The following SH3TC2 variants were observed in gnomAD, a reference collection of about 807,000 sequenced individuals.
The protein encoded by SH3TC2 is SH3 domain and tetratricopeptide repeat-containing protein 2.
SH3TC2 carries 87 observed loss-of-function variants against 124.5 expected under a neutral mutation model. The ratio of observed to expected loss-of-function variants is 0.70; its 90% CI spans 0.59 to 0.84. The LOEUF is 0.84. Ranked by LOEUF, SH3TC2 falls within the 40% of genes least tolerant of loss-of-function variation. The pLI is 0.00. For missense variants in SH3TC2, 1,536 were observed against 1,566.4 expected (o/e 0.98, Z 0.33); for synonymous variants, 634 against 628.5 (o/e 1.01, Z -0.13).
In SH3TC2 at chr5:148,998,970, C is replaced by T. The variant is rs538159827; in HGVS notation, c.*5741G>A. The stretch of plus-strand genomic sequence containing the variant: ...CTAACATACACACCCTCCCGCTTAA[C>T]GGTGTGGGACCCAGGAATAGATGTG... On this transcript the variant is annotated 3_prime_UTR_variant, in exon 17 of 17. Coordinates refer to ENST00000515425, the MANE Select transcript of SH3TC2 (RefSeq NM_024577.4). Among the ~76,000 whole-genome samples the T allele has an allele frequency of 2.7e-4, 41 of 152,274 alleles. No individual in the cohort carries two copies. The highest frequency in any genetic ancestry group is 1.2e-3 in the South Asian group (6 of 4,808).
chr5:149,052,812 G>A (rs748784099), intron 1 of SH3TC2, among the ~76,000 whole-genome samples: 4 of 152,198 alleles, frequency 2.6e-5, no homozygotes, highest in Non-Finnish European at 2.9e-5. Context: ...AGAAGATCAA[G>A]ACACAGGCTA....
intron 12 of SH3TC2, among the ~76,000 whole-genome samples, chr5:149,021,430 T>C (rs1193444880): frequency 6.7e-6 from 1 of 149,866 alleles, no homozygotes; most frequent in Non-Finnish European, 1.5e-5. Context: ...TTAATAAAGA[T>C]GAGAGCAAAA....
At chr5:149,040,720 A>C in intron 6 of SH3TC2, 43 bp from the exon 7 acceptor site, 2 of 1,504,700 alleles carry the variant, frequency 1.3e-6, no homozygotes, top group Non-Finnish European at 1.9e-6. Flanking sequence ...GATTTCAAAA[A>C]ATTGCAACAA....
rs370090569 is a variant in SH3TC2 at position 149,004,771 on chromosome 5, C to A, written c.3807G>T (p.Arg1269Ser). 5 of 1,614,074 alleles carry A rather than the reference C, an allele frequency of 3.1e-6. No homozygotes were observed. Among genetic ancestry groups the A allele is most frequent in the Non-Finnish European group, 4.2e-6 (5 of 1,180,024 alleles). Residue 1269 changes from arginine to serine, a missense_variant, in exon 17 of 17, where the codon AGG becomes AGT. This residue lies in a region of SH3TC2 where 426 missense variants were observed against 443.5 expected (regional missense o/e 0.96). Transcript: ENST00000515425. The part of the protein sequence containing the change: ...NICQSPLWHS[R>S]PSGCSSERAR... ...CCCTCTCTGAGGAGCACCCGGAGGG[C>A]CTGCTGTGCCACAGGGGGCTCTGGC... is the stretch of plus-strand genomic sequence containing the variant.
intron 13 of SH3TC2, among the ~76,000 whole-genome samples, chr5:149,011,658 TCTC>T (rs1753784932): frequency 6.6e-6 from 1 of 152,156 alleles, no homozygotes. Context: ...TTTGGCAAAG[TCTC>T]CTGTACATAG....
intron 9 of SH3TC2, among the ~76,000 whole-genome samples, chr5:149,031,278 G>T (rs1468644198): frequency 6.6e-6 from 1 of 152,182 alleles, no homozygotes; most frequent in Non-Finnish European, 1.5e-5. Context: ...CCTCCCCCAA[G>T]ATTAGGAGGG....
chr5:149,037,165 T>C (rs572569016), intron 8 of SH3TC2, among the ~76,000 whole-genome samples: 1 of 152,314 alleles, frequency 6.6e-6, no homozygotes, highest in African/African-American at 2.4e-5. Context: ...CCAAACTACA[T>C]GAGTCGTTCT....
intron 12 of SH3TC2, among the ~76,000 whole-genome samples, chr5:149,024,206 G>C (rs1031572618): frequency 7.2e-5 from 11 of 152,132 alleles, no homozygotes; most frequent in African/African-American, 2.7e-4. Context: ...ACCATTCTCT[G>C]TCATAATCAT....
In SH3TC2 at chr5:149,047,774, G is replaced by A. The variant is rs1754489149; in HGVS notation, c.279+88C>T. The stretch of plus-strand genomic sequence containing the variant: ...GATGTTTTTTCCGAGGACCTACTTT[G>A]TTCCAGATGCTGTCTTAGATGCTAG... On this transcript the variant is annotated intron_variant, in intron 3 of 16. Transcript: ENST00000515425. 3.2e-6 allele frequency: 5 copies of A among 1,561,336 alleles called. No homozygotes were observed. The South Asian group carries it at 5.6e-5, about 17-fold the overall frequency.
Position 149,044,246 on chromosome 5 carries a change from C to T in SH3TC2, c.385+287G>A, listed in dbSNP as rs1754419636. ...TTCACATCTATTTCAGTACTTTGAA[C>T]TTAGTAGATGACCAATAACTGTTTT... On this transcript the variant is annotated intron_variant, in intron 4 of 16. Transcript: ENST00000515425. The T allele has an allele frequency of 1.0e-5, 4 of 387,148 alleles. No homozygotes were observed. In the Admixed American group the frequency reaches 1.5e-4, roughly 14 times the overall value. The allele number at this position is 387,148 out of a possible 1,614,324, so 24.0% of individuals were successfully genotyped here.
rs1178970604 is a variant in SH3TC2, at chr5:149,026,925, A to C, written c.2807T>G (p.Leu936Arg). 6.2e-7 allele frequency: 1 copy of C among 1,614,234 alleles called. No individual in the cohort carries two copies. The highest frequency in any genetic ancestry group is 1.6e-4 in the Middle Eastern group (1 of 6,062). Reference protein sequence around the residue: ...LAQVLVSGHQLTHGLLCYEMA... With the variant: ...LAQVLVSGHQRTHGLLCYEMA... Reference sequence around the variant, plus strand: ...TTCATAACAAAGAAGGCCATGGGTCAGCTGGTGTCCAGACACCAGAACTTG... The same window carrying C: ...TTCATAACAAAGAAGGCCATGGGTCCGCTGGTGTCCAGACACCAGAACTTG... Residue 936 changes from leucine (L) to arginine (R), a missense_variant, in exon 11 of 17, where the codon CTG (leucine) becomes CGG (arginine). By Grantham distance (102) the Leu-to-Arg change is moderately radical. Around this residue, in one of 3 missense-constraint regions of SH3TC2, gnomAD observed 426 missense variants for 443.5 expected, o/e 0.96. Coordinates refer to ENST00000515425, the MANE Select transcript of SH3TC2 (RefSeq NM_024577.4).
In SH3TC2 at chr5:149,028,166, GTGGCTCTTCT is replaced by G; in HGVS notation, c.1556_1565del (p.Lys519ThrfsTer2). The G allele has an allele frequency of 6.2e-7, 1 of 1,614,128 alleles. No homozygotes were observed. Among genetic ancestry groups the G allele is most frequent in the Non-Finnish European group, 8.5e-7 (1 of 1,180,026 alleles). ...AGAGACGGGCATGGGCCCAGGTCAT[GTGGCTCTTCT>G]TGGCCCACTTTCTTGATGCCTCCAG... On this transcript the variant is annotated frameshift_variant, in exon 11 of 17. Coordinates refer to ENST00000515425, the MANE Select transcript of SH3TC2 (RefSeq NM_024577.4). LOFTEE classifies it high-confidence loss of function.
At chr5:149,009,094 G>C in intron 14 of SH3TC2, 93 bp from the exon 15 acceptor site, 7 of 1,528,792 alleles carry the variant, frequency 4.6e-6, no homozygotes, top group Non-Finnish European at 6.3e-6. Flanking sequence ...CAGGGGTTGG[G>C]GAACGGCAGT....
Position 149,045,711 on chromosome 5 carries a change from A to T in SH3TC2, c.280-1073T>A, listed in dbSNP as rs140625364. The T allele has an allele frequency of 2.0e-3, 343 of 169,540 alleles. 8 individuals carry two copies. The highest frequency in any genetic ancestry group is 8.0e-3 in the African/African-American group (332 of 41,492). The allele number at this position is 169,540 out of a possible 1,614,324, so 10.5% of individuals were successfully genotyped here. On this transcript the variant is annotated intron_variant, in intron 3 of 16. Coordinates refer to ENST00000515425, the MANE Select transcript of SH3TC2 (RefSeq NM_024577.4). Reference sequence around the variant, plus strand: ...GGCTGGAGTGCAGTGCAGTGGCGCAATCTCGGCTCACTGCAACCTCCGCCT... The same window carrying T: ...GGCTGGAGTGCAGTGCAGTGGCGCATTCTCGGCTCACTGCAACCTCCGCCT...
chr5:149,060,082 C>T (rs532917439), intron 1 of SH3TC2, among the ~76,000 whole-genome samples: 57 of 152,268 alleles, frequency 3.7e-4, no homozygotes, highest in Non-Finnish European at 7.2e-4. Flanking sequence ...TCACATTTAT[C>T]AAAAAGGTTG....
chr5:149,037,689 C>T (rs1001309537), intron 8 of SH3TC2, among the ~76,000 whole-genome samples: 1 of 152,138 alleles, frequency 6.6e-6, no homozygotes, highest in African/African-American at 2.4e-5. Context: ...GAGCAATACC[C>T]GATATCTCTG....
chr5:149,051,363 G>A (rs1413162289), intron 2 of SH3TC2, among the ~76,000 whole-genome samples: 4 of 152,092 alleles, frequency 2.6e-5, no homozygotes, highest in Admixed American at 1.3e-4. Flanking sequence ...AAATATTTAC[G>A]CAGAACCTAC....
rs534340878 is a variant in SH3TC2, at chr5:148,984,539, T to C, written c.*20172A>G. The stretch of plus-strand genomic sequence containing the variant: ...TGCAGGAAGAGGGAAAAGGTGAAAA[T>C]TGAGCATTCCTTGACTAAGTCGAAA... On this transcript the variant is annotated 3_prime_UTR_variant, in exon 17 of 17. Transcript: ENST00000515425. Among the ~76,000 whole-genome samples, 43 of 152,180 alleles carry C rather than the reference T, an allele frequency of 2.8e-4. No homozygotes were observed. Among genetic ancestry groups the C allele is most frequent in the Middle Eastern group, 3.4e-3 (1 of 294 alleles).
At chr5:149,040,212 A>C (rs1418581666) in intron 7 of SH3TC2, among the ~76,000 whole-genome samples, 1 of 152,162 alleles carries the variant, frequency 6.6e-6, no homozygotes, top group African/African-American at 2.4e-5. Flanking sequence ...ACTCTAAGGG[A>C]AATTAGAAAA....
Sources: gnomAD v4.1 joint callset for allele counts (sites outside exome capture counted in the v4.1 genomes callset) on GRCh38, gnomAD v4.1.1 for gene constraint, gnomAD v4.1.1 regional missense constraint, MANE v1.5 for transcripts, NCBI Gene and HGNC (gene_info 2026-07-23, HGNC 2026-07-21) for gene names.